GPHN: variants seen among roughly 807,000 people sequenced by gnomAD.
GPHN encodes the protein gephyrin.
GPHN carries 17 observed loss-of-function variants against 95.5 expected under a neutral mutation model. That is an observed-to-expected ratio of 0.18 (90% CI 0.12 to 0.27). The LOEUF is 0.27. Among genes scored for constraint, GPHN ranks in the 10% least tolerant of loss-of-function variants. GPHN has a pLI of 1.00. For missense variants in GPHN, 660 were observed against 978.1 expected, an observed-to-expected ratio of 0.67 and a Z score of 4.34; for synonymous variants, 320 against 322.5, an observed-to-expected ratio of 0.99 and a Z score of 0.08.
At chr14:67,332,171 C>G in the GPHN span, among the ~76,000 whole-genome samples, 1 of 152,128 alleles carries the variant, frequency 6.6e-6, no homozygotes, top group African/African-American at 2.4e-5. Flanking sequence ...ACCCATGTGC[C>G]TGATAATTAG....
chr14:67,692,915 T>C, the GPHN span: 1 of 1,479,556 alleles, frequency 6.8e-7, no homozygotes, highest in Non-Finnish European at 9.4e-7. Context: ...AGGAGGGAAT[T>C]GAAAGGAGGT....
At chr14:67,376,691 G>T in the GPHN span, 9 of 1,320,678 alleles carry the variant, frequency 6.8e-6, no homozygotes, top group Non-Finnish European at 9.3e-6. Context: ...GCCAAATTTA[G>T]ATTAAAATAT....
the GPHN span, among the ~76,000 whole-genome samples, chr14:67,721,485 G>C: frequency 6.6e-6 from 1 of 151,980 alleles, no homozygotes; most frequent in Non-Finnish European, 1.5e-5. Context: ...GGCCTCAAGG[G>C]ATCCCCCTAC....
At chr14:66,534,932 T>G (rs2059085041) in intron 1 of GPHN, among the ~76,000 whole-genome samples, 1 of 152,132 alleles carries the variant, frequency 6.6e-6, no homozygotes, top group Non-Finnish European at 1.5e-5. Flanking sequence ...GGCTAGTCAT[T>G]TCACTCTCTT....
At chr14:67,406,344 G>A in the GPHN span, among the ~76,000 whole-genome samples, 1 of 152,122 alleles carries the variant, frequency 6.6e-6, no homozygotes, top group East Asian at 1.9e-4. Flanking sequence ...AAACCCCAAG[G>A]AGGAGCTCAG....
chr14:67,508,538 C>T, the GPHN span, among the ~76,000 whole-genome samples: 1 of 151,960 alleles, frequency 6.6e-6, no homozygotes, highest in Non-Finnish European at 1.5e-5. Flanking sequence ...GTCAGCTCAC[C>T]TTCCTTGGAC....
At chr14:67,003,527 C>A (rs538448600) in intron 9 of GPHN, among the ~76,000 whole-genome samples, 1 of 151,728 alleles carries the variant, frequency 6.6e-6, no homozygotes, top group Admixed American at 6.6e-5. Flanking sequence ...ATCCTGTTTT[C>A]TTCCTTGGAC....
At chr14:67,648,009 T>G in the GPHN span, 12 of 1,544,002 alleles carry the variant, frequency 7.8e-6, no homozygotes, top group Non-Finnish European at 1.1e-5. Context: ...ACCAGTTAAG[T>G]ATTATTTTAA....
intron 3 of GPHN, among the ~76,000 whole-genome samples, chr14:66,823,500 A>G (rs1446010430): frequency 6.6e-6 from 1 of 152,202 alleles, no homozygotes; most frequent in Non-Finnish European, 1.5e-5. Flanking sequence ...ATCTGGGATC[A>G]AAGTTCTTTA....
chr14:66,609,499 T>C (rs1330022344), intron 1 of GPHN, among the ~76,000 whole-genome samples: 1 of 152,158 alleles, frequency 6.6e-6, no homozygotes, highest in East Asian at 1.9e-4. Context: ...TCTAGTGAGA[T>C]TGGGGTATTT....
intron 1 of GPHN, among the ~76,000 whole-genome samples, chr14:66,616,561 T>C (rs1595252164): frequency 1.3e-5 from 2 of 152,074 alleles, no homozygotes; most frequent in African/African-American, 2.4e-5. Context: ...TCAAGGAGGC[T>C]GCAGAACAGC....
chr14:67,035,916 A>G (rs1287610780), intron 10 of GPHN, among the ~76,000 whole-genome samples: 4 of 151,850 alleles, frequency 2.6e-5, no homozygotes, highest in Admixed American at 2.6e-4. Context: ...ATTAGGCAAC[A>G]TTACCCTGAT....
At chr14:67,095,152 G>T (rs548138962) in intron 12 of GPHN, among the ~76,000 whole-genome samples, 299 of 152,276 alleles carry the variant, frequency 2.0e-3, no homozygotes, top group African/African-American at 6.7e-3. Context: ...AAACCTTGGT[G>T]TTAATGTAAA....
the GPHN span, among the ~76,000 whole-genome samples, chr14:67,250,754 C>T: frequency 6.6e-6 from 1 of 152,144 alleles, no homozygotes; most frequent in African/African-American, 2.4e-5. Context: ...TTAGAGTTAA[C>T]GAAAATAAAT....
intron 2 of GPHN, among the ~76,000 whole-genome samples, chr14:66,681,616 A>G (rs923065188): frequency 1.3e-5 from 2 of 152,142 alleles, no homozygotes; most frequent in African/African-American, 2.4e-5. Context: ...TATGTTAGAT[A>G]TATTTCTGAT....
chr14:66,680,972 A>T, intron 1 of GPHN, 135 bp from the exon 2 acceptor site: 1 of 632,770 alleles, frequency 1.6e-6, no homozygotes, highest in East Asian at 2.8e-5. Flanking sequence ...CCTATAAATA[A>T]ATCAATAGTA....
intron 1 of GPHN, among the ~76,000 whole-genome samples, chr14:66,570,860 G>A (rs980235475): frequency 6.6e-6 from 1 of 152,084 alleles, no homozygotes; most frequent in African/African-American, 2.4e-5. Flanking sequence ...TTTCCCTGAT[G>A]ATTAGTGATG....
chr14:67,423,511 GA>G, the GPHN span, among the ~76,000 whole-genome samples: 1 of 152,086 alleles, frequency 6.6e-6, no homozygotes, highest in Non-Finnish European at 1.5e-5. Flanking sequence ...ACAGGTGAGG[GA>G]GGGGAGGGGT....
the GPHN span, chr14:67,580,938 A>T: frequency 6.2e-7 from 1 of 1,606,980 alleles, no homozygotes; most frequent in Non-Finnish European, 8.5e-7. Context: ...CCTTTTCAAG[A>T]TCTGTGATGC....
Sources: gnomAD v4.1 joint callset for allele counts (sites outside exome capture counted in the v4.1 genomes callset) on GRCh38, gnomAD v4.1.1 for gene constraint, MANE v1.5 for transcripts, NCBI Gene and HGNC (gene_info 2026-07-23, HGNC 2026-07-21) for gene names.